The following DPP10 variants were observed in gnomAD, a reference collection of about 807,000 sequenced individuals.
DPP10 encodes the protein dipeptidyl peptidase like 10.
DPP10 carries 33 observed loss-of-function variants against 120.9 expected under a neutral mutation model. The observed-to-expected ratio is 0.27, with a 90% CI of 0.21 to 0.37. DPP10 has a LOEUF of 0.37. DPP10 is among the 10% of genes least tolerant of loss of function. DPP10 has a pLI of 1.00. For missense variants in DPP10, 816 were observed against 942.8 expected (o/e 0.87, Z 1.76); for synonymous variants, 337 against 326.1 (o/e 1.03, Z -0.36).
chr2:114,584,667 A>C (rs1393439471), intron 1 of DPP10, among the ~76,000 whole-genome samples: 1 of 150,420 alleles, frequency 6.6e-6, no homozygotes, highest in Non-Finnish European at 1.5e-5. Flanking sequence ...GCCTTTTTTT[A>C]AATTGAGAAA....
chr2:114,699,639 A>C (rs979744187), intron 1 of DPP10, among the ~76,000 whole-genome samples: 1 of 152,104 alleles, frequency 6.6e-6, no homozygotes, highest in Non-Finnish European at 1.5e-5. Flanking sequence ...AGGAAGTTAG[A>C]ACACCAGTAA....
chr2:115,459,796 G>C (rs1023953337), intron 3 of DPP10, among the ~76,000 whole-genome samples: 2 of 151,534 alleles, frequency 1.3e-5, no homozygotes, highest in Admixed American at 6.6e-5. Flanking sequence ...TGAATGACTG[G>C]AATTATTTCT....
At chr2:115,190,430 A>G (rs1214121690) in intron 1 of DPP10, among the ~76,000 whole-genome samples, 1 of 152,120 alleles carries the variant, frequency 6.6e-6, no homozygotes, top group Admixed American at 6.5e-5. Context: ...ATTACTCGGC[A>G]GAGTACCCAG....
chr2:115,734,520 G>A (rs2092986712), intron 8 of DPP10, among the ~76,000 whole-genome samples: 1 of 151,912 alleles, frequency 6.6e-6, no homozygotes, highest in South Asian at 2.1e-4. Context: ...GCTGGGCCTG[G>A]TGGTGAGCAC....
At chr2:115,145,127 T>C (rs2051150343) in intron 1 of DPP10, 1 of 152,062 alleles carries the variant, frequency 6.6e-6, no homozygotes, top group Admixed American at 6.6e-5. Flanking sequence ...CTTTGATTCT[T>C]TTGTGATATG....
intron 1 of DPP10, among the ~76,000 whole-genome samples, chr2:114,766,060 T>C (rs1680682511): frequency 6.6e-6 from 1 of 151,940 alleles, no homozygotes; most frequent in African/African-American, 2.4e-5. Flanking sequence ...CTCAAGGACT[T>C]AAGAAATTAA....
rs965844964 is a variant in DPP10 at position 114,750,733 on chromosome 2, T to TGCTG, written c.60+307907_60+307910dup. ...CAGCCTATTCTACCAAATTAGTCCA[T>TGCTG]GCTGGCTGGCTGGCTTTCAGGAATA... On this transcript the variant is annotated intron_variant, in intron 1 of 25. Transcript: ENST00000410059. Among the ~76,000 whole-genome samples, 8 of 151,234 alleles carry TGCTG rather than the reference T, an allele frequency of 5.3e-5. No individual in the cohort carries two copies. In the Admixed American group the frequency reaches 5.3e-4, roughly 10 times the overall value.
At chr2:115,104,262 C>T (rs921243279) in intron 1 of DPP10, among the ~76,000 whole-genome samples, 2 of 143,878 alleles carry the variant, frequency 1.4e-5, no homozygotes, top group Admixed American at 7.4e-5. Context: ...CTCACTGCAG[C>T]CTTGACCTCC....
chr2:114,897,740 T>C (rs1693151707), intron 1 of DPP10, among the ~76,000 whole-genome samples: 2 of 152,148 alleles, frequency 1.3e-5, no homozygotes, highest in African/African-American at 2.4e-5. Flanking sequence ...AAAAAACACA[T>C]GACAAAATGC....
At chr2:114,497,416 T>TAG (rs1558814788) in intron 1 of DPP10, among the ~76,000 whole-genome samples, 7 of 88,146 alleles carry the variant, frequency 7.9e-5, no homozygotes, top group African/African-American at 2.3e-4. Context: ...TACACATACA[T>TAG]ATGCATCTAT....
In DPP10 at chr2:115,255,086, G is replaced by A. The variant is rs192618226; in HGVS notation, c.61-54153G>A. On this transcript the variant is annotated intron_variant, in intron 1 of 25. Transcript: ENST00000410059. Reference sequence around the variant, plus strand: ...TGCCTTCCACACTGCCGTAGGAGAGGTTCTCCATGAAGGCTCTGTCTGTGC... The same window carrying A: ...TGCCTTCCACACTGCCGTAGGAGAGATTCTCCATGAAGGCTCTGTCTGTGC... 6.1e-4 allele frequency among the ~76,000 whole-genome samples: 93 copies of A among 152,338 alleles called. No homozygotes were observed. In the East Asian group the frequency reaches 0.013, roughly 22 times the overall value.
At chr2:115,109,272 T>C (rs1327844382) in intron 1 of DPP10, among the ~76,000 whole-genome samples, 2 of 152,112 alleles carry the variant, frequency 1.3e-5, no homozygotes, top group African/African-American at 4.8e-5. Flanking sequence ...GCATGGTGGC[T>C]CACGCGTGTA....
intron 3 of DPP10, among the ~76,000 whole-genome samples, chr2:115,354,940 C>T (rs2064275222): frequency 6.6e-6 from 1 of 152,126 alleles, no homozygotes. Flanking sequence ...TTTCTTCATC[C>T]AGTCTATCAC....
intron 1 of DPP10, among the ~76,000 whole-genome samples, chr2:114,590,495 A>G (rs1691372809): frequency 6.6e-6 from 1 of 152,230 alleles, no homozygotes; most frequent in Non-Finnish European, 1.5e-5. Context: ...AAGGCACAAT[A>G]CATGTTAAGT....
chr2:114,881,328 G>A (rs776154094), intron 1 of DPP10, among the ~76,000 whole-genome samples: 1 of 152,014 alleles, frequency 6.6e-6, no homozygotes, highest in African/African-American at 2.4e-5. Context: ...ATATTCAGAT[G>A]CCAAAAAATC....
chr2:115,305,081 C>G (rs1275516462), intron 1 of DPP10, among the ~76,000 whole-genome samples: 2 of 151,970 alleles, frequency 1.3e-5, no homozygotes, highest in African/African-American at 4.8e-5. Context: ...ATCCATCCAC[C>G]GGGGGGCTCA....
At chr2:115,699,036 C>CAAAAAAAAAAAAAAAAAAAAA (rs1191197397) in intron 7 of DPP10, among the ~76,000 whole-genome samples, 1 of 50,782 alleles carries the variant, frequency 2.0e-5, no homozygotes, top group African/African-American at 6.9e-5. Context: ...AAAAAAAAAA[C>CAAAAAAAAAAAAAAAAAAAAA]AAAAAAAAAA....
intron 19 of DPP10, among the ~76,000 whole-genome samples, chr2:115,811,137 C>T (rs1400584091): frequency 6.6e-6 from 1 of 152,120 alleles, no homozygotes; most frequent in Non-Finnish European, 1.5e-5. Flanking sequence ...CCTTATAATG[C>T]CAATGATTAG....
chr2:115,202,841 G>A lies in DPP10; in HGVS notation c.61-106398G>A, dbSNP rs539910372. Among the ~76,000 whole-genome samples, 3 of 152,172 alleles carry A rather than the reference G, an allele frequency of 2.0e-5. No homozygotes were observed. The East Asian group carries it at 5.8e-4, about 29-fold the overall frequency. On this transcript the variant is annotated intron_variant, in intron 1 of 25. Coordinates refer to ENST00000410059, the MANE Select transcript of DPP10 (RefSeq NM_020868.6). ...GTAGCCACACAAGTCTTCCATATCGGCATAGTTTTAGAAATATTGTTTTCA... is the reference window on the plus strand; with the variant it reads ...GTAGCCACACAAGTCTTCCATATCGACATAGTTTTAGAAATATTGTTTTCA...
Sources: allele counts gnomAD v4.1 joint callset (sites outside exome capture counted in the v4.1 genomes callset), GRCh38; gene constraint gnomAD v4.1.1; transcripts MANE v1.5; gene names NCBI Gene and HGNC (gene_info 2026-07-23, HGNC 2026-07-21).